NXPE2: variants seen among roughly 807,000 people sequenced by gnomAD.
NXPE2 encodes the protein NXPE family member 2.
NXPE2 carries 34 observed loss-of-function variants against 34.4 expected under a neutral mutation model. The observed-to-expected ratio is 0.99, with a 90% CI of 0.75 to 1.31. NXPE2 has a LOEUF of 1.31. Among genes scored for constraint, NXPE2 ranks in the 40% most tolerant of loss-of-function variants. The pLI is 0.00. For synonymous variants in NXPE2, 235 were observed against 231.3 expected (o/e 1.02, Z -0.15); for missense variants, 649 against 672.5 (o/e 0.97, Z 0.39).
the NXPE2 span, among the ~76,000 whole-genome samples, chr11:114,666,205 A>G: frequency 3.9e-5 from 6 of 152,122 alleles, no homozygotes; most frequent in Non-Finnish European, 8.8e-5. Flanking sequence ...TTTGAAAGCT[A>G]TATACCTTTG....
chr11:114,732,147 A>G, the NXPE2 span, among the ~76,000 whole-genome samples: 4 of 152,232 alleles, frequency 2.6e-5, no homozygotes, highest in Non-Finnish European at 4.4e-5. Flanking sequence ...AAATTAATGT[A>G]TATTATTAAA....
the NXPE2 span, among the ~76,000 whole-genome samples, chr11:114,481,671 CTACTGGTGCA>C: frequency 6.6e-6 from 1 of 152,146 alleles, no homozygotes; most frequent in Non-Finnish European, 1.5e-5. Flanking sequence ...AGTAGTAAAT[CTACTGGTGCA>C]GTGTAGAAAT....
At chr11:114,808,351 A>G in the NXPE2 span, among the ~76,000 whole-genome samples, 1 of 151,576 alleles carries the variant, frequency 6.6e-6, no homozygotes, top group African/African-American at 2.4e-5. Flanking sequence ...ATCAGAGCAG[A>G]ACTGAAGGAA....
At chr11:114,490,352 A>AG in the NXPE2 span, among the ~76,000 whole-genome samples, 2 of 151,380 alleles carry the variant, frequency 1.3e-5, no homozygotes, top group African/African-American at 2.4e-5. Context: ...ATTGGAAAAA[A>AG]CTAAAGTTCA....
the NXPE2 span, among the ~76,000 whole-genome samples, chr11:114,600,122 G>A: frequency 2.6e-5 from 4 of 152,150 alleles, no homozygotes; most frequent in African/African-American, 9.6e-5. Flanking sequence ...AATCAGTGAG[G>A]AAAAGTTTGA....
chr11:114,630,348 T>C, the NXPE2 span, among the ~76,000 whole-genome samples: 11 of 151,556 alleles, frequency 7.3e-5, no homozygotes, highest in African/African-American at 2.7e-4. Context: ...GAACAGAACA[T>C]AGCCCTCAGA....
chr11:114,641,861 A>G, the NXPE2 span, among the ~76,000 whole-genome samples: 4 of 152,226 alleles, frequency 2.6e-5, no homozygotes, highest in African/African-American at 9.6e-5. Context: ...TATTTGGGGA[A>G]TAAAACAGGA....
chr11:114,648,714 T>C, the NXPE2 span, among the ~76,000 whole-genome samples: 1 of 152,188 alleles, frequency 6.6e-6, no homozygotes, highest in African/African-American at 2.4e-5. Context: ...TTCCACCTAA[T>C]ATATGATACA....
the NXPE2 span, among the ~76,000 whole-genome samples, chr11:114,779,231 C>A: frequency 7.3e-5 from 11 of 151,418 alleles, no homozygotes; most frequent in Non-Finnish European, 4.4e-5. Flanking sequence ...TTGTTCACTT[C>A]AGTCAGAATA....
the NXPE2 span, among the ~76,000 whole-genome samples, chr11:114,564,800 A>G: frequency 2.6e-5 from 4 of 152,224 alleles, no homozygotes; most frequent in Middle Eastern, 3.2e-3. Context: ...TCTGGAAAGG[A>G]AAATCCATTA....
chr11:114,534,229 C>T, the NXPE2 span, among the ~76,000 whole-genome samples: 2 of 152,200 alleles, frequency 1.3e-5, no homozygotes, highest in Non-Finnish European at 2.9e-5. Context: ...AGGGTTCTGA[C>T]TGTTAGAAGG....
At chr11:114,614,025 C>T in the NXPE2 span, among the ~76,000 whole-genome samples, 12 of 151,684 alleles carry the variant, frequency 7.9e-5, no homozygotes, top group Admixed American at 1.3e-4. Context: ...AGTATTGTCT[C>T]GTGGGTAACC....
At chr11:114,793,397 C>A in the NXPE2 span, among the ~76,000 whole-genome samples, 2 of 152,030 alleles carry the variant, frequency 1.3e-5, no homozygotes, top group Non-Finnish European at 2.9e-5. Context: ...AGGCCCTTGT[C>A]CACAAGTTAA....
At chr11:114,803,831 G>A in the NXPE2 span, among the ~76,000 whole-genome samples, 1 of 151,934 alleles carries the variant, frequency 6.6e-6, no homozygotes, top group Non-Finnish European at 1.5e-5. Context: ...GCCCACCTCG[G>A]CCTCCCAAAA....
chr11:114,498,070 G>A, the NXPE2 span, among the ~76,000 whole-genome samples: 1 of 151,990 alleles, frequency 6.6e-6, no homozygotes, highest in Non-Finnish European at 1.5e-5. Context: ...AATTTCTTAA[G>A]TGATTACTGT....
At chr11:114,561,441 G>A in the NXPE2 span, among the ~76,000 whole-genome samples, 2 of 151,974 alleles carry the variant, frequency 1.3e-5, no homozygotes, top group Non-Finnish European at 2.9e-5. Flanking sequence ...TTGTTACCTT[G>A]GTTTCTTTAA....
the NXPE2 span, among the ~76,000 whole-genome samples, chr11:114,659,602 A>G: frequency 1.3e-5 from 2 of 152,134 alleles, no homozygotes; most frequent in Non-Finnish European, 1.5e-5. Flanking sequence ...AAGTCACAAG[A>G]ATACTAGAAA....
chr11:114,732,245 C>T, the NXPE2 span, among the ~76,000 whole-genome samples: 2 of 152,128 alleles, frequency 1.3e-5, no homozygotes, highest in African/African-American at 2.4e-5. Flanking sequence ...AGTCAGTTCC[C>T]TCCCTTGCAA....
chr11:114,572,337 A>C, the NXPE2 span, among the ~76,000 whole-genome samples: 2 of 152,146 alleles, frequency 1.3e-5, no homozygotes, highest in Non-Finnish European at 2.9e-5. Context: ...AGACCATACC[A>C]GTTCACCACC....
Sources: allele counts gnomAD v4.1 joint callset (sites outside exome capture counted in the v4.1 genomes callset), GRCh38; gene constraint gnomAD v4.1.1; transcripts MANE v1.5; gene names NCBI Gene and HGNC (gene_info 2026-07-23, HGNC 2026-07-21).